The following TATDN1 variants were observed in gnomAD, a reference collection of about 807,000 sequenced individuals.
TATDN1 encodes deoxyribonuclease TATDN1.
A neutral mutation model predicts 46.4 loss-of-function variants in TATDN1; 40 were observed. That is an observed-to-expected ratio of 0.86 (90% CI 0.67 to 1.12). TATDN1 has a LOEUF of 1.12. Among genes scored for constraint, TATDN1 ranks in the 50% most tolerant of loss-of-function variants. The probability of loss-of-function intolerance (pLI) is 0.00; values close to 1 mark genes in which losing one functional copy is unlikely to be tolerated. For missense variants in TATDN1, 326 were observed against 348.4 expected (o/e 0.94, Z 0.51); for synonymous variants, 95 against 105.6 (o/e 0.90, Z 0.62).
chr8:124,527,063 G>A (rs1159093882), intron 1 of TATDN1, among the ~76,000 whole-genome samples: 1 of 152,178 alleles, frequency 6.6e-6, no homozygotes, highest in Non-Finnish European at 1.5e-5. Flanking sequence ...CAACCTGCAG[G>A]CTGGGAAGCA....
rs556181651 is a variant in TATDN1 at position 124,526,491 on chromosome 8, G to C, written c.23-3489C>G. Among the ~76,000 whole-genome samples the C allele has an allele frequency of 6.6e-5, 10 of 152,294 alleles. No individual in the cohort carries two copies. In the South Asian group the frequency reaches 2.1e-3, roughly 32 times the overall value. On this transcript the variant is annotated intron_variant, in intron 1 of 11. Transcript: ENST00000276692. ...GAAAAGCTAAGAAAGTAAGAGATAC[G>C]GGTGGGAGGGAATGATAGGAACAAA...
At chr8:124,498,871 C>T (rs1393039085) in intron 9 of TATDN1, among the ~76,000 whole-genome samples, 5 of 151,756 alleles carry the variant, frequency 3.3e-5, no homozygotes, top group Non-Finnish European at 5.9e-5. Context: ...AGACTGGTCT[C>T]GAACTCCTGA....
At chr8:124,523,730 C>A (rs1820251870) in intron 1 of TATDN1, among the ~76,000 whole-genome samples, 1 of 152,012 alleles carries the variant, frequency 6.6e-6, no homozygotes, top group Non-Finnish European at 1.5e-5. Context: ...AGGCAAACAC[C>A]AAGCCATTTT....
Position 124,490,068 on chromosome 8 carries a change from T to C in TATDN1, c.792-1372A>G, listed in dbSNP as rs1354200419. On this transcript the variant is annotated intron_variant, in intron 11 of 11. Transcript: ENST00000276692. Reference sequence around the variant, plus strand: ...TTTAAATTAAGACAGTGAAAATCCATTTTTCTTAGGAAACTACTGAATGTC... The same window carrying C: ...TTTAAATTAAGACAGTGAAAATCCACTTTTCTTAGGAAACTACTGAATGTC... The C allele has an allele frequency of 2.6e-5, 4 of 152,358 alleles. No individual in the cohort carries two copies. The East Asian group carries it at 7.7e-4, about 29-fold the overall frequency. 9.4% of individuals were successfully genotyped at this position (152,358 alleles called of 1,614,324 possible).
chr8:124,490,747 G>A (rs1289437359), intron 11 of TATDN1, among the ~76,000 whole-genome samples: 1 of 134,206 alleles, frequency 7.5e-6, no homozygotes, highest in East Asian at 2.1e-4. Context: ...AGTAAGCACA[G>A]GTTTTTGTTT....
chr8:124,494,178 A>G, intron 10 of TATDN1: 1 of 357,584 alleles, frequency 2.8e-6, no homozygotes, highest in Non-Finnish European at 5.0e-6. Context: ...TTTTTCTGCT[A>G]ACATTGTTGG....
intron 6 of TATDN1, among the ~76,000 whole-genome samples, chr8:124,512,140 T>C (rs969311157): frequency 6.6e-6 from 1 of 152,214 alleles, no homozygotes; most frequent in African/African-American, 2.4e-5. Flanking sequence ...AAACAAATCA[T>C]GGCCGGGTGC....
At chr8:124,524,180 A>C (rs767708180) in intron 1 of TATDN1, among the ~76,000 whole-genome samples, 8 of 152,194 alleles carry the variant, frequency 5.3e-5, no homozygotes, top group Admixed American at 3.3e-4. Context: ...ACACCTTGAA[A>C]GTGAATGGGA....
chr8:124,500,455 C>T (rs1817857660), intron 9 of TATDN1, among the ~76,000 whole-genome samples: 1 of 151,986 alleles, frequency 6.6e-6, no homozygotes, highest in Non-Finnish European at 1.5e-5. Context: ...GCCTGTAATC[C>T]AAGCACTCTG....
At chr8:124,493,796 CTAAT>C (rs1392556640) in intron 11 of TATDN1, 33 bp downstream of exon 11, 2 of 1,563,012 alleles carry the variant, frequency 1.3e-6, no homozygotes, top group Non-Finnish European at 1.7e-6. Flanking sequence ...TGGTGGTTAA[CTAAT>C]GATTTTGAAG....
At chr8:124,524,914 G>C (rs573461991) in intron 1 of TATDN1, among the ~76,000 whole-genome samples, 142 of 152,222 alleles carry the variant, frequency 9.3e-4, no homozygotes, top group African/African-American at 3.2e-3. Context: ...TCTGGGATGG[G>C]GGAAATGAGG....
chr8:124,528,175 C>CA (rs1820661670), intron 1 of TATDN1, among the ~76,000 whole-genome samples: 1 of 151,894 alleles, frequency 6.6e-6, no homozygotes, highest in African/African-American at 2.4e-5. Context: ...CTTTCTCTAA[C>CA]AGTGTCTTTT....
intron 1 of TATDN1, among the ~76,000 whole-genome samples, chr8:124,537,565 C>T (rs1821563614): frequency 1.3e-5 from 2 of 152,160 alleles, no homozygotes; most frequent in South Asian, 4.1e-4. Context: ...TTTTTAGATA[C>T]ACCAAAATGG....
intron 1 of TATDN1, among the ~76,000 whole-genome samples, chr8:124,528,087 T>C (rs1052005435): frequency 6.6e-6 from 1 of 152,160 alleles, no homozygotes; most frequent in East Asian, 1.9e-4. Flanking sequence ...CCCAGGCCAG[T>C]TGGAAGCCAA....
At chr8:124,517,821 T>TA (rs1819619180) in intron 4 of TATDN1, among the ~76,000 whole-genome samples, 1 of 152,154 alleles carries the variant, frequency 6.6e-6, no homozygotes, top group Non-Finnish European at 1.5e-5. Context: ...AAAAATTTAA[T>TA]AAAATGGCCC....
Position 124,508,613 on chromosome 8 carries a change from A to G in TATDN1, c.465T>C (p.Ala155=). 6.2e-7 allele frequency: 1 copy of G among 1,605,614 alleles called. No individual in the cohort carries two copies. Among genetic ancestry groups the G allele is most frequent in the Non-Finnish European group, 8.5e-7 (1 of 1,176,006 alleles). The change falls in exon 7 of 12, where the codon GCT becomes GCC. Residue 155 remains alanine, a synonymous_variant. Coordinates refer to ENST00000276692, the MANE Select transcript of TATDN1 (RefSeq NM_032026.4). ...PMFLHCRNSH[A]EFLDIMKRNR... Reference sequence around the variant, plus strand: ...TTGGTTTTAACTCACCCAAAAATTCAGCATGTGAGTTTCGACAATGAAGAA... The same window carrying G: ...TTGGTTTTAACTCACCCAAAAATTCGGCATGTGAGTTTCGACAATGAAGAA...
intron 4 of TATDN1, among the ~76,000 whole-genome samples, chr8:124,518,256 G>C (rs1819692994): frequency 7.0e-6 from 1 of 142,450 alleles, no homozygotes; most frequent in Non-Finnish European, 1.5e-5. Context: ...CGGGTGCAGT[G>C]GCTCACGCCT....
Position 124,515,871 on chromosome 8 carries a change from C to T in TATDN1, c.346+16G>A, listed in dbSNP as rs749608550. On this transcript the variant is annotated intron_variant, in intron 5 of 11. Coordinates refer to ENST00000276692, the MANE Select transcript of TATDN1 (RefSeq NM_032026.4). The stretch of plus-strand genomic sequence containing the variant: ...TTTCAAACAATGTCACTCTAAGAGG[C>T]GAGGCTGGCACTCACCAAGTCCGCA... The T allele has an allele frequency of 1.9e-5, 31 of 1,613,602 alleles. No individual in the cohort carries two copies. Among genetic ancestry groups the T allele is most frequent in the African/African-American group, 5.3e-5 (4 of 74,912 alleles).
intron 1 of TATDN1, among the ~76,000 whole-genome samples, chr8:124,529,871 T>TA (rs1820809136): frequency 6.6e-6 from 1 of 152,032 alleles, no homozygotes; most frequent in Non-Finnish European, 1.5e-5. Flanking sequence ...GCAGGTGGAT[T>TA]ACTTGAGGTC....
Sources: gnomAD v4.1 joint callset for allele counts (sites outside exome capture counted in the v4.1 genomes callset) on GRCh38, gnomAD v4.1.1 for gene constraint, MANE v1.5 for transcripts, NCBI Gene and HGNC (gene_info 2026-07-23, HGNC 2026-07-21) for gene names.